The following MILR1 variants were observed in gnomAD, a reference collection of about 807,000 sequenced individuals.
MILR1 encodes mast cell immunoglobulin like receptor 1, also known as allergin-1.
In MILR1, 31 loss-of-function variants were observed where a neutral mutation model predicts 18.5. The ratio of observed to expected loss-of-function variants is 1.68; its 90% CI spans 1.26 to 2.26. The LOEUF (loss-of-function observed/expected upper bound fraction) is 2.26. MILR1 is among the 30% of genes most tolerant of loss of function. The pLI, the probability that MILR1 is intolerant of heterozygous loss-of-function variation, is 0.00. For synonymous variants in MILR1, 85 were observed against 56.2 expected (o/e 1.51, Z -2.30); for missense variants, 257 against 157.4 (o/e 1.63, Z -3.38).
At chr17:64,479,805 G>C in the MILR1 span, among the ~76,000 whole-genome samples, 3 of 152,190 alleles carry the variant, frequency 2.0e-5, no homozygotes, top group African/African-American at 7.2e-5. Flanking sequence ...AGAGAATGAG[G>C]AAGAGGGAGG....
Position 64,465,171 on chromosome 17 carries a change from A to G in MILR1, c.764-281A>G, listed in dbSNP as rs566933775. Reference sequence around the variant, plus strand: ...CTTCCACAGACTATTCTCTTCAGCGAAGGAAAGAAAATAAGTCTGGCTAGT... The same window carrying G: ...CTTCCACAGACTATTCTCTTCAGCGGAGGAAAGAAAATAAGTCTGGCTAGT... On this transcript the variant is annotated intron_variant, in intron 5 of 9. Transcript: ENST00000619286. Among the ~76,000 whole-genome samples the G allele has an allele frequency of 1.2e-4, 18 of 152,346 alleles. No individual in the cohort carries two copies. The South Asian group carries it at 3.7e-3, about 32-fold the overall frequency.
At chr17:64,489,657 G>A in the MILR1 span, among the ~76,000 whole-genome samples, 13 of 152,100 alleles carry the variant, frequency 8.5e-5, no homozygotes, top group Non-Finnish European at 1.5e-4. Context: ...CTACTTGGGA[G>A]GCTGAGGCAG....
At chr17:64,463,493 T>C (rs1015558824) in intron 5 of MILR1, among the ~76,000 whole-genome samples, 1 of 152,296 alleles carries the variant, frequency 6.6e-6, no homozygotes, top group East Asian at 1.9e-4. Flanking sequence ...CTGTTGCTTC[T>C]GAGCCTCAGT....
the MILR1 span, chr17:64,492,748 C>G: frequency 6.2e-7 from 1 of 1,612,526 alleles, no homozygotes; most frequent in East Asian, 2.2e-5. Flanking sequence ...ACCATACTAA[C>G]GAAGCTTCAG....
At chr17:64,451,811 T>C (rs1489528068) in intron 2 of MILR1, among the ~76,000 whole-genome samples, 5 of 151,680 alleles carry the variant, frequency 3.3e-5, no homozygotes, top group Admixed American at 6.6e-5. Context: ...TGTGTGCCTA[T>C]AGTTCAGCTA....
chr17:64,491,760 A>C, the MILR1 span: 10 of 694,070 alleles, frequency 1.4e-5, no homozygotes, highest in East Asian at 3.1e-5. Flanking sequence ...CAAGGAGCTC[A>C]AGCACGAGCG....
intron 8 of MILR1, among the ~76,000 whole-genome samples, chr17:64,466,989 TTC>T (rs1288503419): frequency 2.0e-5 from 3 of 151,878 alleles, no homozygotes; most frequent in South Asian, 2.1e-4. Flanking sequence ...TTCTTTCTCT[TTC>T]TGTCTCTCTT....
the MILR1 span, among the ~76,000 whole-genome samples, chr17:64,491,314 G>T: frequency 6.6e-6 from 1 of 152,120 alleles, no homozygotes; most frequent in South Asian, 2.1e-4. Context: ...GAAAATACTG[G>T]CCAGGCACAG....
chr17:64,495,126 C>T, the MILR1 span, among the ~76,000 whole-genome samples: 3 of 137,380 alleles, frequency 2.2e-5, no homozygotes, highest in African/African-American at 3.0e-5. Flanking sequence ...TGCAGTGAGC[C>T]GAGATTGTGC....
At chr17:64,486,077 A>G in the MILR1 span, among the ~76,000 whole-genome samples, 1 of 152,140 alleles carries the variant, frequency 6.6e-6, no homozygotes, top group African/African-American at 2.4e-5. Context: ...TCAGAATACA[A>G]AAGTAAAGTT....
the MILR1 span, chr17:64,480,519 G>A: frequency 4.7e-5 from 25 of 527,410 alleles, no homozygotes; most frequent in Non-Finnish European, 7.9e-5. Context: ...ATTATGTGAT[G>A]TTAATGTTTA....
In MILR1 at chr17:64,468,290, T is replaced by G; in HGVS notation, c.*29-20T>G. On this transcript the variant is annotated intron_variant, in intron 9 of 9. Transcript: ENST00000619286. ...GTGGCCTTTTATATTCTCTCTTGTC[T>G]CTCTCTTTTTTTTTTTGAGATGGAG... 1 of 452,690 alleles carries G rather than the reference T, an allele frequency of 2.2e-6. No homozygotes were observed. The highest frequency in any genetic ancestry group is 4.4e-6 in the Non-Finnish European group (1 of 225,246). The allele number at this position is 452,690 out of a possible 1,614,324, so 28.0% of individuals were successfully genotyped here. A position where few individuals can be genotyped will look rare whatever the true frequency, so the allele number is the denominator to read the frequency against.
At chr17:64,495,689 A>G in the MILR1 span, among the ~76,000 whole-genome samples, 1 of 152,170 alleles carries the variant, frequency 6.6e-6, no homozygotes, top group Non-Finnish European at 1.5e-5. Flanking sequence ...TTGGTTCCTA[A>G]TAACAACTAA....
chr17:64,455,018 A>C (rs1209346803), intron 3 of MILR1, among the ~76,000 whole-genome samples: 4 of 152,034 alleles, frequency 2.6e-5, no homozygotes, highest in African/African-American at 9.7e-5. Context: ...AAAAAATCCC[A>C]ATGATCTTTG....
At position 64,466,507 on chromosome 17, in the gene MILR1, G is replaced by A; in HGVS notation, c.910+9G>A. ...TTCCACAGCCCAAGATGGTGAGCAT[G>A]TTCTGCAGAGTCTATTCCACTGCCC... On this transcript the variant is annotated intron_variant, in intron 7 of 9. Transcript: ENST00000619286. 6.2e-7 allele frequency: 1 copy of A among 1,613,618 alleles called. No homozygotes were observed. The highest frequency in any genetic ancestry group is 8.5e-7 in the Non-Finnish European group (1 of 1,179,674).
the MILR1 span, among the ~76,000 whole-genome samples, chr17:64,474,370 C>T: frequency 4.0e-5 from 6 of 151,432 alleles, no homozygotes; most frequent in South Asian, 2.1e-4. Flanking sequence ...CCACCGTGCC[C>T]GGCCTTATTT....
chr17:64,451,209 T>A (rs971059932), intron 2 of MILR1, among the ~76,000 whole-genome samples: 1 of 151,930 alleles, frequency 6.6e-6, no homozygotes, highest in Non-Finnish European at 1.5e-5. Context: ...AGTGGTGCGA[T>A]CTTAGCTTTC....
chr17:64,480,496 G>T, the MILR1 span: 1 of 550,154 alleles, frequency 1.8e-6, no homozygotes, highest in South Asian at 1.8e-5. Context: ...TCTAAAATGG[G>T]TATGTTTCTT....
At chr17:64,491,510 TA>T in the MILR1 span, 4 of 1,501,928 alleles carry the variant, frequency 2.7e-6, no homozygotes, top group South Asian at 1.1e-5. Flanking sequence ...ACTATGTCTC[TA>T]AAAAAACCAA....
Sources: gnomAD v4.1 joint callset for allele counts (sites outside exome capture counted in the v4.1 genomes callset) on GRCh38, gnomAD v4.1.1 for gene constraint, MANE v1.5 for transcripts, NCBI Gene and HGNC (gene_info 2026-07-23, HGNC 2026-07-21) for gene names.